The following GPC6 variants were observed in gnomAD, a reference collection of about 807,000 sequenced individuals.
The protein encoded by GPC6 is glypican-6.
Under a neutral mutation model 55.2 loss-of-function variants are expected in GPC6, and 14 were observed. The observed-to-expected ratio is 0.25, with a 90% CI of 0.17 to 0.40. GPC6 has a LOEUF of 0.40. GPC6 is among the 10% of genes least tolerant of loss of function. The pLI is 1.00. For synonymous variants in GPC6, 278 were observed against 259.6 expected, an observed-to-expected ratio of 1.07 and a Z score of -0.68; for missense variants, 641 against 708.5, an observed-to-expected ratio of 0.90 and a Z score of 1.08.
intron 3 of GPC6, among the ~76,000 whole-genome samples, chr13:93,888,221 C>A (rs924052725): frequency 6.6e-6 from 1 of 152,132 alleles, no homozygotes; most frequent in Non-Finnish European, 1.5e-5. Context: ...TTTTGATCAA[C>A]TTCCAATCAT....
At chr13:94,154,816 C>T (rs1044424672) in intron 4 of GPC6, among the ~76,000 whole-genome samples, 2 of 152,216 alleles carry the variant, frequency 1.3e-5, no homozygotes, top group African/African-American at 4.8e-5. Flanking sequence ...TATGCCTATA[C>T]TGATCATCAA....
intron 4 of GPC6, among the ~76,000 whole-genome samples, chr13:94,047,181 A>G (rs10492635): frequency 0.2 from 30,112 of 151,986 alleles, 3,229 homozygotes; most frequent in East Asian, 0.39. Context: ...ATAATGTTAA[A>G]GGATAGTAAA....
At chr13:93,635,229 T>C (rs1241857031) in intron 2 of GPC6, among the ~76,000 whole-genome samples, 1 of 152,086 alleles carries the variant, frequency 6.6e-6, no homozygotes, top group Non-Finnish European at 1.5e-5. Context: ...TACCAATTTG[T>C]AGGAACAGTC....
chr13:93,974,688 A>G (rs1009332234), intron 3 of GPC6, among the ~76,000 whole-genome samples: 1 of 152,210 alleles, frequency 6.6e-6, no homozygotes, highest in South Asian at 2.1e-4. Context: ...TCAGTAATAC[A>G]TAACTTTCTT....
At chr13:94,358,019 G>A (rs1878878947) in intron 6 of GPC6, among the ~76,000 whole-genome samples, 2 of 152,200 alleles carry the variant, frequency 1.3e-5, no homozygotes, top group African/African-American at 4.8e-5. Context: ...ATTGCCATTG[G>A]TCTTTAAGAG....
intron 7 of GPC6, among the ~76,000 whole-genome samples, chr13:94,391,356 A>G (rs558045986): frequency 7.2e-5 from 11 of 152,332 alleles, no homozygotes; most frequent in African/African-American, 2.6e-4. Context: ...TGACTTGTCC[A>G]TGGTCACACT....
chr13:94,354,810 A>G (rs759314457), intron 6 of GPC6, among the ~76,000 whole-genome samples: 10 of 152,364 alleles, frequency 6.6e-5, no homozygotes, highest in African/African-American at 1.7e-4. Flanking sequence ...GTGTTAATCT[A>G]TCTATACAGA....
chr13:93,414,917 G>T (rs1185786740), intron 1 of GPC6, among the ~76,000 whole-genome samples: 4 of 152,044 alleles, frequency 2.6e-5, no homozygotes, highest in Admixed American at 2.0e-4. Flanking sequence ...ATGAACAAAA[G>T]AACACAAGGT....
rs991106864 is a variant in GPC6, at chr13:93,826,331, A to ATG, written c.320-3817_320-3816dup. 5.3e-5 allele frequency among the ~76,000 whole-genome samples: 8 copies of ATG among 152,206 alleles called. 1 individual carries two copies. The highest frequency in any genetic ancestry group is 5.2e-4 in the Admixed American group (8 of 15,296). On this transcript the variant is annotated intron_variant, in intron 2 of 8. Coordinates refer to ENST00000377047, the MANE Select transcript of GPC6 (RefSeq NM_005708.5). ...CACAAACATACACAATTGCATACACATGTGTGTATTTCTGGGTTTAAGGAA... is the reference window on the plus strand; with the variant it reads ...CACAAACATACACAATTGCATACACATGTGTGTGTATTTCTGGGTTTAAGGAA...
intron 6 of GPC6, among the ~76,000 whole-genome samples, chr13:94,307,158 C>T (rs1221338928): frequency 6.6e-6 from 1 of 152,124 alleles, no homozygotes; most frequent in Non-Finnish European, 1.5e-5. Flanking sequence ...ATCAAATGTG[C>T]TTACAACCTA....
chr13:93,757,678 C>T (rs1174156194), intron 2 of GPC6, among the ~76,000 whole-genome samples: 1 of 152,138 alleles, frequency 6.6e-6, no homozygotes, highest in Non-Finnish European at 1.5e-5. Context: ...TTGAGTCCTA[C>T]AAGTCAACTC....
chr13:93,780,421 T>C (rs1478172594), intron 2 of GPC6, among the ~76,000 whole-genome samples: 1 of 152,142 alleles, frequency 6.6e-6, no homozygotes, highest in Non-Finnish European at 1.5e-5. Context: ...AATCTTTACA[T>C]CTTCAAATGA....
chr13:93,334,834 T>C (rs1879990064), intron 1 of GPC6, among the ~76,000 whole-genome samples: 2 of 152,246 alleles, frequency 1.3e-5, no homozygotes, highest in South Asian at 2.1e-4. Context: ...AAATGTCTTT[T>C]AATAAATGTT....
At chr13:93,418,125 A>T (rs926859678) in intron 1 of GPC6, among the ~76,000 whole-genome samples, 25 of 151,804 alleles carry the variant, frequency 1.6e-4, no homozygotes, top group East Asian at 3.9e-4. Flanking sequence ...AGTATTTAAA[A>T]TTTTTTTTAA....
chr13:94,348,020 C>T (rs1445863460), intron 6 of GPC6, among the ~76,000 whole-genome samples: 1 of 152,228 alleles, frequency 6.6e-6, no homozygotes, highest in Non-Finnish European at 1.5e-5. Flanking sequence ...TGATTCCAGT[C>T]ATTGCCAAGT....
At chr13:94,275,316 T>C (rs1892168610) in intron 4 of GPC6, among the ~76,000 whole-genome samples, 1 of 152,080 alleles carries the variant, frequency 6.6e-6, no homozygotes, top group South Asian at 2.1e-4. Flanking sequence ...CTAGGAGTTG[T>C]AGGGTTGTTA....
intron 2 of GPC6, among the ~76,000 whole-genome samples, chr13:93,808,841 T>C (rs1159502534): frequency 6.6e-6 from 1 of 152,086 alleles, no homozygotes; most frequent in Non-Finnish European, 1.5e-5. Flanking sequence ...GGGGAGCATG[T>C]GTAGAGATAA....
intron 4 of GPC6, among the ~76,000 whole-genome samples, chr13:94,281,659 T>G (rs1369716956): frequency 6.6e-6 from 1 of 152,178 alleles, no homozygotes; most frequent in Non-Finnish European, 1.5e-5. Context: ...GTAAGATCAT[T>G]TTTAATCCAA....
intron 1 of GPC6, among the ~76,000 whole-genome samples, chr13:93,250,259 AG>A (rs1202635430): frequency 1.3e-5 from 2 of 152,212 alleles, no homozygotes; most frequent in Non-Finnish European, 2.9e-5. Context: ...CACAGAGTAG[AG>A]GAGGAAATAA....
Sources: allele counts gnomAD v4.1 joint callset (sites outside exome capture counted in the v4.1 genomes callset), GRCh38; gene constraint gnomAD v4.1.1; transcripts MANE v1.5; gene names NCBI Gene and HGNC (gene_info 2026-07-23, HGNC 2026-07-21).